Variants in DTNA observed in about 807,000 individuals in gnomAD.
DTNA encodes the protein dystrobrevin alpha.
In DTNA, 43 loss-of-function variants were observed where a neutral mutation model predicts 100.7. That is an observed-to-expected ratio of 0.43 (90% confidence interval 0.33 to 0.55). The LOEUF is 0.55. DTNA is among the 20% of genes least tolerant of loss of function. The probability of loss-of-function intolerance (pLI) is 0.04; values close to 1 mark genes in which losing one functional copy is unlikely to be tolerated. For missense variants in DTNA, 798 were observed against 953.9 expected (o/e 0.84, Z 2.15); for synonymous variants, 349 against 347.9 (o/e 1.00, Z -0.04).
rs1295492267 is a variant in DTNA, at chr18:34,888,067, G to C, written c.*333G>C. The C allele has an allele frequency of 1.0e-6, 1 of 985,720 alleles. No individual in the cohort carries two copies. The highest frequency in any genetic ancestry group is 1.2e-6 in the Non-Finnish European group (1 of 829,948). 61.1% of individuals were successfully genotyped at this position (985,720 alleles called of 1,614,324 possible). On this transcript the variant is annotated 3_prime_UTR_variant, in exon 23 of 23. Coordinates refer to ENST00000444659, the MANE Select transcript of DTNA (RefSeq NM_001386795.1). ...ATCCTCTGTAACGTGGTTCATCCCT[G>C]GTTAAAAAGCAAACAAACACAGGCT...
intron 3 of DTNA, chr18:34,767,751 C>T (rs1021039): frequency 0.82 from 123,973 of 151,976 alleles, 51,013 homozygotes; most frequent in East Asian, 0.91. Context: ...GGGCAGAGCC[C>T]ACATGACCAA....
chr18:34,873,097 A>C (rs1011537528), intron 17 of DTNA, among the ~76,000 whole-genome samples: 1 of 152,254 alleles, frequency 6.6e-6, no homozygotes, highest in Non-Finnish European at 1.5e-5. Context: ...GCAAATTGCT[A>C]TTCAAATATA....
intron 14 of DTNA, among the ~76,000 whole-genome samples, chr18:34,848,966 T>A (rs1162191888): frequency 6.6e-6 from 1 of 152,198 alleles, no homozygotes; most frequent in Non-Finnish European, 1.5e-5. Context: ...CATCAGATGT[T>A]GCAGTTATCA....
chr18:34,858,521 A>G (rs1181627393), intron 16 of DTNA, 123 bp downstream of exon 16: 1 of 910,864 alleles, frequency 1.1e-6, no homozygotes, highest in East Asian at 2.6e-5. Flanking sequence ...TGTTTTTTTC[A>G]TAGCACACAC....
intron 1 of DTNA, among the ~76,000 whole-genome samples, chr18:34,724,371 A>T (rs1289831136): frequency 2.0e-5 from 3 of 152,252 alleles, no homozygotes; most frequent in Non-Finnish European, 2.9e-5. Flanking sequence ...GTGTTTACTA[A>T]GCATTATCAT....
chr18:34,886,667 G>T (rs1220904173), intron 22 of DTNA, among the ~76,000 whole-genome samples: 1 of 152,100 alleles, frequency 6.6e-6, no homozygotes, highest in African/African-American at 2.4e-5. Flanking sequence ...TTAAATCTTT[G>T]GTTGCAAATT....
chr18:34,750,122 A>G (rs55973101), intron 1 of DTNA, among the ~76,000 whole-genome samples: 11,736 of 152,270 alleles, frequency 0.077, 514 homozygotes, highest in African/African-American at 0.1. Context: ...TAATGCTGTC[A>G]TCATATTAAA....
chr18:34,544,684 A>G lies in DTNA; in HGVS notation c.-2+51170A>G, dbSNP rs545003109. On this transcript the variant is annotated intron_variant, in intron 1 of 19. Transcript: ENST00000283365. Reference sequence around the variant, plus strand: ...ATTTTTCATAACATCTTTAGAATCTAGTGCCTAAAGTTTTAGGTATCTGTC... The same window carrying G: ...ATTTTTCATAACATCTTTAGAATCTGGTGCCTAAAGTTTTAGGTATCTGTC... 6.6e-5 allele frequency among the ~76,000 whole-genome samples: 10 copies of G among 152,164 alleles called. No individual in the cohort carries two copies. In the East Asian group the frequency reaches 1.7e-3, roughly 27 times the overall value.
upstream of DTNA, among the ~76,000 whole-genome samples, chr18:34,706,098 G>A (rs139562664): frequency 2.1e-3 from 319 of 152,130 alleles, 2 homozygotes; most frequent in African/African-American, 7.3e-3. Context: ...CAGGCAATAC[G>A]CCACCATGCC....
chr18:34,780,535 A>G (rs1392498302), intron 3 of DTNA, among the ~76,000 whole-genome samples: 2 of 152,236 alleles, frequency 1.3e-5, no homozygotes, highest in African/African-American at 2.4e-5. Context: ...TTATCTTTCA[A>G]TTTAAATAGT....
intron 1 of DTNA, among the ~76,000 whole-genome samples, chr18:34,654,038 A>G (rs929952383): frequency 1.3e-5 from 2 of 152,176 alleles, no homozygotes; most frequent in African/African-American, 4.8e-5. Context: ...GAGTGTTCCT[A>G]TGAGAGGAAG....
At chr18:34,507,567 A>T (rs1189007706) in intron 1 of DTNA, among the ~76,000 whole-genome samples, 1 of 152,224 alleles carries the variant, frequency 6.6e-6, no homozygotes, top group Admixed American at 6.5e-5. Flanking sequence ...TACAGTTGAC[A>T]TGGAGGAGAT....
At position 34,820,852 on chromosome 18, in the gene DTNA, G is replaced by T; in HGVS notation, c.938G>T (p.Arg313Leu). 6.2e-7 allele frequency: 1 copy of T among 1,614,050 alleles called. No individual in the cohort carries two copies. The highest frequency in any genetic ancestry group is 8.5e-7 in the Non-Finnish European group (1 of 1,180,006). The change falls in exon 9 of 23, where the codon CGT becomes CTT. Residue 313 changes from arginine to leucine, a missense_variant. Coordinates refer to ENST00000444659, the MANE Select transcript of DTNA (RefSeq NM_001386795.1). Reference sequence around the variant, plus strand: ...AAGTCCCTGAGCTGTGCTTCCAGCCGTGAACCTTTGCACCCCATGTTCCCA... The same window carrying T: ...AAGTCCCTGAGCTGTGCTTCCAGCCTTGAACCTTTGCACCCCATGTTCCCA... ...LSKSLSCASS[R>L]EPLHPMFPDQ...
At chr18:34,884,040 T>G (rs888774512) in intron 21 of DTNA, among the ~76,000 whole-genome samples, 19 of 152,222 alleles carry the variant, frequency 1.2e-4, no homozygotes, top group Non-Finnish European at 2.6e-4. Flanking sequence ...CAGCCTGGAA[T>G]GAAACTGCCA....
chr18:34,818,405 G>A, intron 8 of DTNA, 75 bp downstream of exon 8: 2 of 1,572,142 alleles, frequency 1.3e-6, no homozygotes, highest in Non-Finnish European at 1.7e-6. Flanking sequence ...TATCAAGGAT[G>A]GTGGCAGAAT....
intron 1 of DTNA, among the ~76,000 whole-genome samples, chr18:34,582,876 A>C (rs2048774538): frequency 6.6e-6 from 1 of 152,222 alleles, no homozygotes; most frequent in Non-Finnish European, 1.5e-5. Context: ...AAAATATACA[A>C]ATGTGGTCCA....
intron 17 of DTNA, among the ~76,000 whole-genome samples, chr18:34,869,449 A>C (rs1443384919): frequency 6.6e-6 from 1 of 152,322 alleles, no homozygotes; most frequent in African/African-American, 2.4e-5. Context: ...AAAAAGAGTC[A>C]TTTTTATGTT....
At chr18:34,787,116 G>C (rs753243704) in intron 3 of DTNA, among the ~76,000 whole-genome samples, 80 of 152,214 alleles carry the variant, frequency 5.3e-4, no homozygotes, top group Non-Finnish European at 1.0e-3. Context: ...GTATCACCAG[G>C]AATCCATTTT....
intron 11 of DTNA, among the ~76,000 whole-genome samples, chr18:34,834,404 G>A (rs1420699294): frequency 6.6e-6 from 1 of 152,002 alleles, no homozygotes; most frequent in East Asian, 1.9e-4. Flanking sequence ...TCAGGAGGCT[G>A]AGACAGAAGA....
Sources: allele counts gnomAD v4.1 joint callset (sites outside exome capture counted in the v4.1 genomes callset), GRCh38; gene constraint gnomAD v4.1.1; transcripts MANE v1.5; gene names NCBI Gene and HGNC (gene_info 2026-07-23, HGNC 2026-07-21).